The following LRMDA variants were observed in gnomAD, a reference collection of about 807,000 sequenced individuals.
The protein encoded by LRMDA is leucine-rich melanocyte differentiation-associated protein.
LRMDA carries 18 observed loss-of-function variants against 29.8 expected under a neutral mutation model. The observed-to-expected ratio is 0.60, with a 90% CI of 0.42 to 0.90. LRMDA has a LOEUF of 0.90. Ranked by LOEUF, LRMDA falls within the 40% of genes least tolerant of loss-of-function variation. The pLI is 0.00. For synonymous variants in LRMDA, 125 were observed against 109.4 expected, an observed-to-expected ratio of 1.14 and a Z score of -0.89; for missense variants, 273 against 273.9, an observed-to-expected ratio of 1.00 and a Z score of 0.02.
chr10:76,275,967 C>T (rs1201187805), intron 5 of LRMDA, among the ~76,000 whole-genome samples: 1 of 152,056 alleles, frequency 6.6e-6, no homozygotes, highest in Non-Finnish European at 1.5e-5. Flanking sequence ...CTAAATCTCT[C>T]CTCCGTTATC....
intron 2 of LRMDA, among the ~76,000 whole-genome samples, chr10:75,863,819 G>C (rs1476080530): frequency 6.6e-6 from 1 of 152,202 alleles, no homozygotes; most frequent in Non-Finnish European, 1.5e-5. Flanking sequence ...CTTAGAATGT[G>C]CTTGGGTATC....
rs367710905 is a variant in LRMDA, at chr10:75,827,165, G to A, written c.132-208843G>A. On this transcript the variant is annotated intron_variant, in intron 2 of 6. Coordinates refer to ENST00000611255, the MANE Select transcript of LRMDA (RefSeq NM_001305581.2). ...GATTGCACATCGCATGTTTTTGTGCGTGCTCAGGGGACTGCTTTTCTTATA... is the reference window on the plus strand; with the variant it reads ...GATTGCACATCGCATGTTTTTGTGCATGCTCAGGGGACTGCTTTTCTTATA... Among the ~76,000 whole-genome samples, 9 of 152,280 alleles carry A rather than the reference G, an allele frequency of 5.9e-5. No homozygotes were observed. In the East Asian group the frequency reaches 7.7e-4, roughly 13 times the overall value.
At chr10:75,445,599 A>G (rs1363882892) in intron 2 of LRMDA, among the ~76,000 whole-genome samples, 1 of 152,202 alleles carries the variant, frequency 6.6e-6, no homozygotes, top group Admixed American at 6.5e-5. Flanking sequence ...TGCTCAATGC[A>G]AAGAGGACAT....
chr10:76,251,779 A>G (rs928930046), intron 5 of LRMDA, among the ~76,000 whole-genome samples: 1 of 152,174 alleles, frequency 6.6e-6, no homozygotes, highest in African/African-American at 2.4e-5. Context: ...CTATCCCGCT[A>G]CTGGAGGTTA....
chr10:76,005,927 TTAAATAAA>T (rs10590818), intron 2 of LRMDA, among the ~76,000 whole-genome samples: 32 of 148,524 alleles, frequency 2.2e-4, no homozygotes, highest in East Asian at 1.0e-3. Flanking sequence ...AGACTCCATC[TTAAATAAA>T]TAAATAAATA....
intron 6 of LRMDA, among the ~76,000 whole-genome samples, chr10:76,487,286 AAG>A (rs1346605750): frequency 6.6e-6 from 1 of 151,948 alleles, no homozygotes; most frequent in African/African-American, 2.4e-5. Context: ...ATTGAAGTTT[AAG>A]AGACCAGTAG....
intron 2 of LRMDA, among the ~76,000 whole-genome samples, chr10:75,656,997 A>G (rs928010288): frequency 9.2e-5 from 14 of 152,200 alleles, no homozygotes; most frequent in Admixed American, 2.0e-4. Flanking sequence ...CCAGCCCGAG[A>G]GACAATAAAA....
At chr10:76,045,423 TG>T (rs1259797078) in intron 3 of LRMDA, among the ~76,000 whole-genome samples, 2 of 150,766 alleles carry the variant, frequency 1.3e-5, no homozygotes, top group African/African-American at 4.9e-5. Flanking sequence ...TCCCCTCTCT[TG>T]GTAGTTTCCC....
chr10:76,050,596 G>A (rs1426235018), intron 4 of LRMDA, among the ~76,000 whole-genome samples: 3 of 152,202 alleles, frequency 2.0e-5, no homozygotes, highest in Non-Finnish European at 4.4e-5. Context: ...TGGGATGAAT[G>A]TGGAATGGAG....
intron 5 of LRMDA, among the ~76,000 whole-genome samples, chr10:76,289,585 G>A (rs1279707717): frequency 7.9e-5 from 12 of 152,090 alleles, no homozygotes. Context: ...CCCTATTACA[G>A]GCGATATTTG....
rs200332679 is a variant in LRMDA at position 76,134,300 on chromosome 10, TC to T, written c.516+75518del. Among the ~76,000 whole-genome samples, 115 of 152,278 alleles carry T rather than the reference TC, an allele frequency of 7.6e-4. No homozygotes were observed. The East Asian group carries it at 0.02, about 27-fold the overall frequency. ...TGATGGTGAGACTTGGCGGTGATAT[TC>T]ATGGTTTTATTTCAAGCCATGTTCC... On this transcript the variant is annotated intron_variant, in intron 5 of 6. Coordinates refer to ENST00000611255, the MANE Select transcript of LRMDA (RefSeq NM_001305581.2).
At chr10:75,486,168 T>G (rs551114146) in intron 2 of LRMDA, among the ~76,000 whole-genome samples, 26 of 152,362 alleles carry the variant, frequency 1.7e-4, no homozygotes, top group African/African-American at 6.3e-4. Flanking sequence ...TTCAAATTTC[T>G]GTGAAATGTG....
At chr10:75,994,441 A>G (rs1323083) in intron 2 of LRMDA, among the ~76,000 whole-genome samples, 103,979 of 152,014 alleles carry the variant, frequency 0.68, 35,595 homozygotes, top group Middle Eastern at 0.73. Flanking sequence ...TCACTGTATC[A>G]CTCTTCCAGA....
At chr10:76,550,066 G>T (rs916669087) in intron 6 of LRMDA, among the ~76,000 whole-genome samples, 3 of 152,180 alleles carry the variant, frequency 2.0e-5, no homozygotes, top group Non-Finnish European at 2.9e-5. Context: ...AGAGCTGATT[G>T]AGGAATTTAA....
intron 2 of LRMDA, among the ~76,000 whole-genome samples, chr10:75,628,142 T>C (rs554716359): frequency 6.6e-6 from 1 of 152,244 alleles, no homozygotes; most frequent in Non-Finnish European, 1.5e-5. Context: ...ACTGCTGTTA[T>C]AGATTTTCTT....
chr10:76,521,629 G>A (rs543252579), intron 6 of LRMDA, among the ~76,000 whole-genome samples: 12 of 152,306 alleles, frequency 7.9e-5, no homozygotes, highest in South Asian at 6.2e-4. Context: ...GGAGAGAAGC[G>A]AAAAGCATTT....
intron 6 of LRMDA, among the ~76,000 whole-genome samples, chr10:76,389,316 C>T (rs138821497): frequency 1.3e-5 from 2 of 152,166 alleles, no homozygotes; most frequent in African/African-American, 4.8e-5. Flanking sequence ...GAGAGATTGA[C>T]AGGAATAAAA....
intron 2 of LRMDA, among the ~76,000 whole-genome samples, chr10:75,913,096 A>G (rs1191477277): frequency 6.6e-6 from 1 of 152,092 alleles, no homozygotes; most frequent in Non-Finnish European, 1.5e-5. Context: ...CACCTAAAAA[A>G]CTGCTAGTAG....
intron 6 of LRMDA, among the ~76,000 whole-genome samples, chr10:76,399,245 G>A (rs1450393955): frequency 6.6e-6 from 1 of 152,252 alleles, no homozygotes; most frequent in African/African-American, 2.4e-5. Flanking sequence ...TTGTGTTTTT[G>A]AGGGGCCTTT....
Sources: gnomAD v4.1 joint callset for allele counts (sites outside exome capture counted in the v4.1 genomes callset) on GRCh38, gnomAD v4.1.1 for gene constraint, MANE v1.5 for transcripts, NCBI Gene and HGNC (gene_info 2026-07-23, HGNC 2026-07-21) for gene names.